The following RYR3 variants were observed in gnomAD, a reference collection of about 807,000 sequenced individuals.
The protein encoded by RYR3 is brain ryanodine receptor-calcium release channel.
Under a neutral mutation model 584.3 loss-of-function variants are expected in RYR3, and 207 were observed. The ratio of observed to expected loss-of-function variants is 0.35; its 90% CI spans 0.32 to 0.40. The LOEUF (loss-of-function observed/expected upper bound fraction) is 0.40. RYR3 is among the 10% of genes least tolerant of loss of function. The probability of loss-of-function intolerance (pLI) is 1.00; values close to 1 mark genes in which losing one functional copy is unlikely to be tolerated. For synonymous variants in RYR3, 2,416 were observed against 2,248.5 expected (o/e 1.07, Z -2.11); for missense variants, 5,616 against 6,089.2 (o/e 0.92, Z 2.59).
At chr15:33,740,683 G>A (rs906900703) in intron 51 of RYR3, among the ~76,000 whole-genome samples, 2 of 152,204 alleles carry the variant, frequency 1.3e-5, no homozygotes, top group Non-Finnish European at 2.9e-5. Flanking sequence ...AGCTCCAGGT[G>A]CATTTTAAAT....
At chr15:33,650,931 G>A (rs79315700) in intron 31 of RYR3, among the ~76,000 whole-genome samples, 1 of 152,178 alleles carries the variant, frequency 6.6e-6, no homozygotes, top group Non-Finnish European at 1.5e-5. Context: ...ATCTGGTTTA[G>A]ATTGGAAAGG....
At chr15:33,655,886 T>C (rs1336914813) in intron 32 of RYR3, among the ~76,000 whole-genome samples, 1 of 152,188 alleles carries the variant, frequency 6.6e-6, no homozygotes, top group Non-Finnish European at 1.5e-5. Context: ...CAGCAATATT[T>C]ATACACTGGC....
chr15:33,385,710 C>CTTTT (rs10682215), intron 1 of RYR3, among the ~76,000 whole-genome samples: 4,090 of 131,260 alleles, frequency 0.031, 170 homozygotes, highest in Middle Eastern at 0.05. Flanking sequence ...TTTTTCTTTT[C>CTTTT]TTTTTTTTTT....
intron 60 of RYR3, among the ~76,000 whole-genome samples, chr15:33,761,693 C>T (rs1435564834): frequency 6.6e-6 from 1 of 152,130 alleles, no homozygotes; most frequent in Non-Finnish European, 1.5e-5. Context: ...GAGCTGGTAC[C>T]ATTTCTTCTG....
At chr15:33,644,002 C>T (rs2061967710) in intron 27 of RYR3, among the ~76,000 whole-genome samples, 1 of 152,148 alleles carries the variant, frequency 6.6e-6, no homozygotes, top group Admixed American at 6.5e-5. Context: ...CACTTTTTCT[C>T]TTACTGGTTT....
intron 60 of RYR3, among the ~76,000 whole-genome samples, chr15:33,766,749 T>C (rs1268902987): frequency 6.6e-6 from 1 of 152,262 alleles, no homozygotes; most frequent in Non-Finnish European, 1.5e-5. Flanking sequence ...TTTCTCTTCT[T>C]TGCAATCTTC....
rs190419536 is a variant in RYR3, at chr15:33,391,499, G to A, written c.51+80403G>A. Among the ~76,000 whole-genome samples, 870 of 151,948 alleles carry A rather than the reference G, an allele frequency of 5.7e-3. 11 individuals are homozygous for A. Among genetic ancestry groups the A allele is most frequent in the African/African-American group, 0.02 (814 of 41,426 alleles). Reference sequence around the variant, plus strand: ...AAATTAGCCGGGCATGGTGGCCGGCGCCTGTAGTCCCAGCTGTTCAGGAGG... The same window carrying A: ...AAATTAGCCGGGCATGGTGGCCGGCACCTGTAGTCCCAGCTGTTCAGGAGG... On this transcript the variant is annotated intron_variant, in intron 1 of 103. Coordinates refer to ENST00000634891, the MANE Select transcript of RYR3 (RefSeq NM_001036.6).
At chr15:33,807,513 T>C in intron 69 of RYR3, 42 bp from the exon 70 acceptor site, 1 of 1,549,884 alleles carries the variant, frequency 6.5e-7, no homozygotes. Context: ...TTTTACTGAC[T>C]GACTCTTCTC....
chr15:33,382,085 G>A (rs540521638), intron 1 of RYR3, among the ~76,000 whole-genome samples: 3 of 152,242 alleles, frequency 2.0e-5, no homozygotes, highest in African/African-American at 7.2e-5. Context: ...AGGCCAAAGA[G>A]GGCACTGCAA....
At chr15:33,696,521 C>A (rs149368429) in intron 39 of RYR3, 30 bp downstream of exon 39, 1 of 1,604,776 alleles carries the variant, frequency 6.2e-7, no homozygotes, top group Non-Finnish European at 8.5e-7. Flanking sequence ...GTGCTGTTCT[C>A]TCTAGGAGCT....
At chr15:33,733,234 C>T (rs1479581899) in intron 48 of RYR3, among the ~76,000 whole-genome samples, 1 of 152,224 alleles carries the variant, frequency 6.6e-6, no homozygotes, top group Non-Finnish European at 1.5e-5. Context: ...ATTCAACTAT[C>T]TTACTCCTTG....
intron 1 of RYR3, among the ~76,000 whole-genome samples, chr15:33,462,857 A>G (rs2048158688): frequency 6.6e-6 from 1 of 152,066 alleles, no homozygotes; most frequent in Admixed American, 6.5e-5. Context: ...ATGAAAAGTT[A>G]AAGTGTCCTG....
intron 1 of RYR3, among the ~76,000 whole-genome samples, chr15:33,358,580 C>T (rs56080129): frequency 0.038 from 5,718 of 151,324 alleles, 140 homozygotes; most frequent in Non-Finnish European, 0.06. Flanking sequence ...CAGCTGTGGT[C>T]CTTAATCCCT....
At chr15:33,541,001 G>T in intron 7 of RYR3, 111 bp downstream of exon 7, 1 of 664,394 alleles carries the variant, frequency 1.5e-6, no homozygotes, top group African/African-American at 1.8e-5. Context: ...TGGTACACAG[G>T]TAGCCTGATT....
chr15:33,571,378 A>T (rs997177575), intron 12 of RYR3, among the ~76,000 whole-genome samples: 1 of 152,170 alleles, frequency 6.6e-6, no homozygotes, highest in Admixed American at 6.5e-5. Flanking sequence ...GGTTTATTAC[A>T]TTAACTGGTG....
intron 15 of RYR3, among the ~76,000 whole-genome samples, chr15:33,585,485 A>C (rs1361768060): frequency 6.6e-6 from 1 of 152,178 alleles, no homozygotes; most frequent in Non-Finnish European, 1.5e-5. Context: ...AATAGACTTT[A>C]TTGTGTGAGC....
intron 3 of RYR3, among the ~76,000 whole-genome samples, chr15:33,509,568 T>A (rs1283281093): frequency 6.6e-6 from 1 of 152,220 alleles, no homozygotes; most frequent in East Asian, 1.9e-4. Context: ...AAATACATAA[T>A]TGAATGAGTC....
intron 16 of RYR3, among the ~76,000 whole-genome samples, chr15:33,591,090 A>G (rs1223793111): frequency 6.6e-6 from 1 of 152,166 alleles, no homozygotes; most frequent in East Asian, 1.9e-4. Flanking sequence ...TGACCTCTCA[A>G]TGATTTCACT....
In RYR3 at chr15:33,834,964, G is replaced by A. The variant is rs758525595; in HGVS notation, c.11464-4G>A. ...GTGACATAAGAATGTCCTCTTCTCT[G>A]CAGGGCCCTTGCATTGGTAATCAAC... is the stretch of plus-strand genomic sequence containing the variant. On this transcript the variant is annotated splice_polypyrimidine_tract_variant and splice_region_variant and intron_variant, in intron 86 of 103. Transcript: ENST00000634891. The A allele has an allele frequency of 1.2e-6, 2 of 1,613,328 alleles. No individual in the cohort carries two copies. The highest frequency in any genetic ancestry group is 2.2e-5 in the South Asian group (2 of 91,036).
Sources: gnomAD v4.1 joint callset for allele counts (sites outside exome capture counted in the v4.1 genomes callset) on GRCh38, gnomAD v4.1.1 for gene constraint, MANE v1.5 for transcripts, NCBI Gene and HGNC (gene_info 2026-07-23, HGNC 2026-07-21) for gene names.